DUSP22: variants seen among roughly 807,000 people sequenced by gnomAD.
DUSP22 encodes dual specificity protein phosphatase 22.
Under a neutral mutation model 24.5 loss-of-function variants are expected in DUSP22, and 24 were observed. The ratio of observed to expected loss-of-function variants is 0.98; its 90% confidence interval spans 0.71 to 1.38. The LOEUF is 1.38. DUSP22 is among the 40% of genes most tolerant of loss of function. The pLI is 0.00. For synonymous variants in DUSP22, 160 were observed against 106.4 expected (o/e 1.50, Z -3.10); for missense variants, 330 against 269.2 (o/e 1.23, Z -1.58).
At chr6:343,207 A>C (rs141482565) in intron 4 of DUSP22, among the ~76,000 whole-genome samples, 2 of 152,302 alleles carry the variant, frequency 1.3e-5, no homozygotes, top group Non-Finnish European at 2.9e-5. Flanking sequence ...CTCATGGCCA[A>C]ATTCATGCTA....
intron 3 of DUSP22, among the ~76,000 whole-genome samples, chr6:327,973 C>T (rs1374880137): frequency 1.3e-5 from 2 of 152,426 alleles, no homozygotes; most frequent in African/African-American, 4.8e-5. Context: ...TGGGTCTTCT[C>T]TACTTTGCAG....
In DUSP22 at chr6:348,833, A is replaced by G. The variant is rs1416155635; in HGVS notation, c.500A>G (p.Asn167Ser). 4 of 1,614,200 alleles carry G rather than the reference A, an allele frequency of 2.5e-6. No individual in the cohort carries two copies. Among genetic ancestry groups the G allele is most frequent in the African/African-American group, 1.3e-5 (1 of 74,968 alleles). The change falls in exon 7 of 7, where the codon AAC becomes AGC. Residue 167 changes from asparagine (N) to serine (S), a missense_variant. By Grantham distance (46) the Asn-to-Ser change is conservative (BLOSUM62 1). Coordinates refer to ENST00000419235, the MANE Select transcript of DUSP22 (RefSeq NM_001286555.3). ...TTGCAGGATGCAGAAGAAGCCAAAA[A>G]CATTCTGGGTAAATATAAGGAGCAA... ...SPLQDAEEAK[N>S]ILGKYKEQGR...
chr6:347,095 G>C (rs1759921617), intron 5 of DUSP22, among the ~76,000 whole-genome samples: 1 of 152,300 alleles, frequency 6.6e-6, no homozygotes, highest in African/African-American at 2.4e-5. Flanking sequence ...TACCTTGGGG[G>C]TTCAATTGGA....
At chr6:334,647 A>G (rs1759283026) in intron 3 of DUSP22, among the ~76,000 whole-genome samples, 1 of 152,312 alleles carries the variant, frequency 6.6e-6, no homozygotes, top group African/African-American at 2.4e-5. Flanking sequence ...TGTAGCTGTC[A>G]TGGTACTAAA....
rs1698107785 is a variant in DUSP22, at chr6:350,624, A to G, written c.*1673A>G. The G allele has an allele frequency of 6.2e-6, 9 of 1,456,242 alleles. No individual in the cohort carries two copies. The South Asian group carries it at 1.3e-4, about 21-fold the overall frequency. The allele number at this position is 1,456,242 out of a possible 1,614,324, so 90.2% of individuals were successfully genotyped here. A position where few individuals can be genotyped will look rare whatever the true frequency, so the allele number is the denominator to read the frequency against. On this transcript the variant is annotated 3_prime_UTR_variant, in exon 7 of 7. Coordinates refer to ENST00000419235, the MANE Select transcript of DUSP22 (RefSeq NM_001286555.3). ...GGGGAGTGTGGCTGTAGAATCATCC[A>G]TCCGTCTACAGCTAAAACAATTTGC...
chr6:294,201 G>A (rs1182879248), intron 1 of DUSP22, among the ~76,000 whole-genome samples: 1 of 152,274 alleles, frequency 6.6e-6, no homozygotes, highest in African/African-American at 2.4e-5. Context: ...CTTTCAAAAT[G>A]GGTAATAAAT....
rs931056074 is a variant in DUSP22, at chr6:317,000, G to A, written c.138+5038G>A. ...ATTTATGGTGTTTTTAAAAGAATGG[G>A]ATGTTTTCATATGCAGACATTTATT... On this transcript the variant is annotated intron_variant, in intron 3 of 6. Coordinates refer to ENST00000419235, the MANE Select transcript of DUSP22 (RefSeq NM_001286555.3). Among the ~76,000 whole-genome samples the A allele has an allele frequency of 7.9e-5, 12 of 152,416 alleles. No homozygotes were observed. In the East Asian group the frequency reaches 9.6e-4, roughly 12 times the overall value.
Position 348,166 on chromosome 6 carries a change from T to C in DUSP22, c.327T>C (p.Phe109=), listed in dbSNP as rs1759977911. ...VIAYIMTVTD[F]GWEDALHTVR... is the part of the protein sequence containing the mutation. ...CATACATCATGACCGTCACTGACTTTGGCTGGGAGGATGCCCTGCACACCG... is the reference window on the plus strand; with the variant it reads ...CATACATCATGACCGTCACTGACTTCGGCTGGGAGGATGCCCTGCACACCG... The change falls in exon 6 of 7, where the codon TTT becomes TTC. Residue 109 remains phenylalanine (F), a synonymous_variant. Transcript: ENST00000419235. 1 of 1,614,312 alleles carries C rather than the reference T, an allele frequency of 6.2e-7. No individual in the cohort carries two copies. The highest frequency in any genetic ancestry group is 8.5e-7 in the Non-Finnish European group (1 of 1,180,060).
intron 4 of DUSP22, among the ~76,000 whole-genome samples, chr6:343,018 A>C (rs1463367939): frequency 6.6e-6 from 1 of 152,306 alleles, no homozygotes; most frequent in Non-Finnish European, 1.5e-5. Flanking sequence ...CTGCCCAACA[A>C]GGCTCCCTTC....
At chr6:298,010 T>C (rs1055928278) in intron 1 of DUSP22, among the ~76,000 whole-genome samples, 1 of 152,310 alleles carries the variant, frequency 6.6e-6, no homozygotes, top group Non-Finnish European at 1.5e-5. Context: ...CCAGGCAGCT[T>C]GGAGAGGAGC....
intron 1 of DUSP22, among the ~76,000 whole-genome samples, chr6:303,275 G>A (rs1456839374): frequency 6.6e-6 from 1 of 152,308 alleles, no homozygotes; most frequent in Non-Finnish European, 1.5e-5. Context: ...AGTATAGACT[G>A]TTGTCTCGGA....
intron 2 of DUSP22, among the ~76,000 whole-genome samples, chr6:310,729 A>T (rs1310333063): frequency 2.6e-5 from 4 of 152,426 alleles, no homozygotes; most frequent in African/African-American, 9.6e-5. Context: ...AGGCCATTGA[A>T]TTAAAAAAAT....
chr6:302,804 C>T (rs1205168233), intron 1 of DUSP22, among the ~76,000 whole-genome samples: 1 of 152,302 alleles, frequency 6.6e-6, no homozygotes, highest in African/African-American at 2.4e-5. Context: ...GAGACCATCA[C>T]AACAGGGGAG....
Position 348,248 on chromosome 6 carries a change from G to A in DUSP22, c.409G>A (p.Glu137Lys), listed in dbSNP as rs762729836. Residue 137 changes from glutamate to lysine, a missense_variant, in exon 6 of 7, where the codon GAG (glutamate) becomes AAG (lysine). Coordinates refer to ENST00000419235, the MANE Select transcript of DUSP22 (RefSeq NM_001286555.3). ...PNVGFQRQLQEFEKHEVHQYR... is the reference protein window; with the variant it reads ...PNVGFQRQLQKFEKHEVHQYR... Reference sequence around the variant, plus strand: ...CGTGGGCTTCCAGAGACAGCTCCAGGAGTTTGAGAAGCATGAGGTCCATCA... The same window carrying A: ...CGTGGGCTTCCAGAGACAGCTCCAGAAGTTTGAGAAGCATGAGGTCCATCA... The A allele has an allele frequency of 2.7e-5, 43 of 1,614,178 alleles. No homozygotes were observed. The South Asian group carries it at 4.7e-4, about 18-fold the overall frequency.
intron 4 of DUSP22, 150 bp downstream of exon 4, chr6:335,313 C>T (rs1759314218): frequency 2.0e-6 from 2 of 995,428 alleles, no homozygotes; most frequent in Admixed American, 4.9e-5. Context: ...CTACAGAGGC[C>T]AACGCTAGGC....
At chr6:323,694 G>A (rs1358766175) in intron 3 of DUSP22, among the ~76,000 whole-genome samples, 2 of 152,310 alleles carry the variant, frequency 1.3e-5, no homozygotes, top group Non-Finnish European at 2.9e-5. Context: ...TAACTCTGGG[G>A]TGAACAGAGC....
chr6:294,694 T>G (rs1051359494), intron 1 of DUSP22, among the ~76,000 whole-genome samples: 2 of 152,302 alleles, frequency 1.3e-5, no homozygotes, highest in Admixed American at 6.5e-5. Flanking sequence ...AAATCACATC[T>G]CATTTTGGAC....
At chr6:347,730 TG>T in intron 5 of DUSP22, among the ~76,000 whole-genome samples, 1 of 152,298 alleles carries the variant, frequency 6.6e-6, no homozygotes, top group Non-Finnish European at 1.5e-5. Context: ...AGGTTATAAA[TG>T]GGTTTGTCGC....
intron 1 of DUSP22, among the ~76,000 whole-genome samples, chr6:298,103 C>T (rs917116983): frequency 2.0e-5 from 3 of 152,304 alleles, no homozygotes; most frequent in South Asian, 4.1e-4. Flanking sequence ...GGTTCCTTTC[C>T]TCTACACCAC....
Sources: allele counts gnomAD v4.1 joint callset (sites outside exome capture counted in the v4.1 genomes callset), GRCh38; gene constraint gnomAD v4.1.1; transcripts MANE v1.5; gene names NCBI Gene and HGNC (gene_info 2026-07-23, HGNC 2026-07-21).